The following CIBAR1 variants were observed in gnomAD, a reference collection of about 807,000 sequenced individuals.
The protein encoded by CIBAR1 is CBY1 interacting BAR domain containing 1.
CIBAR1 carries 25 observed loss-of-function variants against 44.0 expected under a neutral mutation model. The ratio of observed to expected loss-of-function variants is 0.57; its 90% CI spans 0.41 to 0.79. The LOEUF (loss-of-function observed/expected upper bound fraction) is 0.79, where lower values mean the gene tolerates loss of function less well. CIBAR1 is among the 30% of genes least tolerant of loss of function. The pLI is 0.00. For missense variants in CIBAR1, 278 were observed against 344.8 expected (o/e 0.81, Z 1.53); for synonymous variants, 115 against 119.0 (o/e 0.97, Z 0.22).
chr8:93,718,552 C>G (rs1306182287), intron 6 of CIBAR1, 123 bp from the exon 7 acceptor site: 7 of 499,978 alleles, frequency 1.4e-5, no homozygotes, highest in Non-Finnish European at 6.8e-6. Context: ...CTTTATTTAC[C>G]CTATAGAAAA....
intron 6 of CIBAR1, among the ~76,000 whole-genome samples, chr8:93,716,725 C>G (rs748862766): frequency 4.6e-5 from 7 of 152,068 alleles, no homozygotes; most frequent in East Asian, 3.8e-4. Flanking sequence ...TTTTCATCCC[C>G]TAGGTTATAT....
At chr8:93,704,736 A>C (rs1432896708) in intron 3 of CIBAR1, among the ~76,000 whole-genome samples, 173 bp from the exon 4 acceptor site, 1 of 152,236 alleles carries the variant, frequency 6.6e-6, no homozygotes, top group Non-Finnish European at 1.5e-5. Context: ...ACACATTCTC[A>C]CATACATAGA....
intron 7 of CIBAR1, among the ~76,000 whole-genome samples, chr8:93,721,372 C>T (rs1811255747): frequency 6.6e-6 from 1 of 152,112 alleles, no homozygotes; most frequent in Non-Finnish European, 1.5e-5. Flanking sequence ...CCCTTCAGTC[C>T]CCAAGGTTTT....
At chr8:93,727,337 G>A in intron 8 of CIBAR1, 1 of 513,374 alleles carries the variant, frequency 1.9e-6, no homozygotes, top group Admixed American at 4.1e-5. Context: ...CAACCCAATT[G>A]TATTTTTTTT....
At position 93,718,665 on chromosome 8, in the gene CIBAR1, T is replaced by C; in HGVS notation, c.544-10T>C. The stretch of plus-strand genomic sequence containing the variant: ...TCATTGTTTAAATTCAATTCTTTGG[T>C]TTTTTTTAGACTATATTTTCTGAAT... On this transcript the variant is annotated splice_polypyrimidine_tract_variant and intron_variant, in intron 6 of 8. Transcript: ENST00000518322. The C allele has an allele frequency of 1.4e-6, 2 of 1,450,930 alleles. No individual in the cohort carries two copies. Among genetic ancestry groups the C allele is most frequent in the Middle Eastern group, 2.3e-4 (1 of 4,292 alleles). 89.9% of individuals were successfully genotyped at this position (1,450,930 alleles called of 1,614,324 possible).
chr8:93,723,691 C>T (rs190441256), intron 7 of CIBAR1, among the ~76,000 whole-genome samples: 1 of 152,206 alleles, frequency 6.6e-6, no homozygotes, highest in Admixed American at 6.5e-5. Context: ...ACTTAAGACT[C>T]ATTGAGACAG....
intron 7 of CIBAR1, chr8:93,719,846 C>G (rs1811179152): frequency 6.6e-6 from 1 of 152,130 alleles, no homozygotes; most frequent in Non-Finnish European, 1.5e-5. Flanking sequence ...GACATACTTT[C>G]CCCATCTCAT....
intron 1 of CIBAR1, chr8:93,700,971 G>A: frequency 2.2e-6 from 3 of 1,389,204 alleles, no homozygotes; most frequent in Non-Finnish European, 1.9e-6. Flanking sequence ...GCGCTGCGCG[G>A]AGCAGCCGGA....
intron 3 of CIBAR1, among the ~76,000 whole-genome samples, chr8:93,704,305 TGA>T: frequency 6.6e-6 from 1 of 152,322 alleles, no homozygotes; most frequent in Middle Eastern, 3.4e-3. Context: ...TTAAAATGTG[TGA>T]GAGAGTTCTA....
Position 93,718,664 on chromosome 8 carries a change from G to T in CIBAR1, c.544-11G>T, listed in dbSNP as rs200324656. Reference sequence around the variant, plus strand: ...ATCATTGTTTAAATTCAATTCTTTGGTTTTTTTTAGACTATATTTTCTGAA... The same window carrying T: ...ATCATTGTTTAAATTCAATTCTTTGTTTTTTTTTAGACTATATTTTCTGAA... On this transcript the variant is annotated splice_polypyrimidine_tract_variant and intron_variant, in intron 6 of 8. Transcript: ENST00000518322. 1.5e-4 allele frequency: 223 copies of T among 1,447,654 alleles called. No individual in the cohort carries two copies. The highest frequency in any genetic ancestry group is 6.7e-4 in the African/African-American group (47 of 70,320). The allele number at this position is 1,447,654 out of a possible 1,614,324, so 89.7% of individuals were successfully genotyped here.
chr8:93,726,600 A>C, intron 8 of CIBAR1, 87 bp downstream of exon 8: 1 of 1,498,576 alleles, frequency 6.7e-7, no homozygotes, highest in South Asian at 1.2e-5. Flanking sequence ...CAGTCATATC[A>C]CCTCGGTAAC....
At chr8:93,713,497 A>G (rs926103311) in intron 6 of CIBAR1, among the ~76,000 whole-genome samples, 4 of 152,108 alleles carry the variant, frequency 2.6e-5, no homozygotes, top group Non-Finnish European at 5.9e-5. Context: ...TTTAATTTTC[A>G]TGAAATCCAA....
chr8:93,702,547 G>T (rs1250320939), intron 2 of CIBAR1: 9 of 455,000 alleles, frequency 2.0e-5, no homozygotes, highest in Middle Eastern at 3.3e-4. Flanking sequence ...CAAAAAGGTA[G>T]GCAACAAAAA....
Position 93,700,794 on chromosome 8 carries a change from G to A in CIBAR1, c.26+121G>A, listed in dbSNP as rs1031170627. On this transcript the variant is annotated intron_variant, in intron 1 of 8. Coordinates refer to ENST00000518322, the MANE Select transcript of CIBAR1 (RefSeq NM_145269.5). ...TCCGACCCTGAGTGGGAGGCTGCAC[G>A]GTCCCCGCTGTGACCTGGGGCCTAA... 3 of 1,347,082 alleles carry A rather than the reference G, an allele frequency of 2.2e-6. No individual in the cohort carries two copies. In the African/African-American group the frequency reaches 4.6e-5, roughly 21 times the overall value. The allele number at this position is 1,347,082 out of a possible 1,614,324, so 83.4% of individuals were successfully genotyped here.
chr8:93,719,004 C>T (rs1811142457), intron 7 of CIBAR1, among the ~76,000 whole-genome samples: 1 of 152,016 alleles, frequency 6.6e-6, no homozygotes, highest in Non-Finnish European at 1.5e-5. Context: ...GCTTGGATTA[C>T]AGGTGCCCGC....
intron 8 of CIBAR1, chr8:93,727,114 T>C: frequency 1.1e-6 from 1 of 948,344 alleles, no homozygotes; most frequent in Non-Finnish European, 1.5e-6. Flanking sequence ...CTAATAAAAT[T>C]CTATTTACAA....
At chr8:93,721,426 T>C (rs148753149) in intron 7 of CIBAR1, among the ~76,000 whole-genome samples, 1 of 152,328 alleles carries the variant, frequency 6.6e-6, no homozygotes, top group African/African-American at 2.4e-5. Context: ...GTCACACCAC[T>C]TCCTTTATAA....
chr8:93,708,330 A>AG (rs1400540488), intron 5 of CIBAR1, among the ~76,000 whole-genome samples: 3 of 152,172 alleles, frequency 2.0e-5, no homozygotes, highest in African/African-American at 7.2e-5. Context: ...TTTTTGGGCA[A>AG]CTTTTGTTCT....
At chr8:93,702,301 G>T (rs528499644) in intron 2 of CIBAR1, 6 of 409,988 alleles carry the variant, frequency 1.5e-5, no homozygotes, top group Non-Finnish European at 2.9e-5. Context: ...TTCTTGTCAT[G>T]AAACTTCTGT....
Sources: gnomAD v4.1 joint callset for allele counts (sites outside exome capture counted in the v4.1 genomes callset) on GRCh38, gnomAD v4.1.1 for gene constraint, MANE v1.5 for transcripts, NCBI Gene and HGNC (gene_info 2026-07-23, HGNC 2026-07-21) for gene names.